GALNT17: variants seen among roughly 807,000 people sequenced by gnomAD.
GALNT17 encodes polypeptide N-acetylgalactosaminyltransferase 17, also known as UDP-GalNAc:polypeptide N-acetylgalactosaminyltransferase-like 3.
GALNT17 carries 29 observed loss-of-function variants against 63.7 expected under a neutral mutation model. The observed-to-expected ratio is 0.46, with a 90% confidence interval of 0.34 to 0.62. GALNT17 has a LOEUF of 0.62. Among genes scored for constraint, GALNT17 ranks in the 20% least tolerant of loss-of-function variants. The probability of loss-of-function intolerance (pLI) is 0.01; values close to 1 mark genes in which losing one functional copy is unlikely to be tolerated. For synonymous variants in GALNT17, 305 were observed against 318.3 expected, an observed-to-expected ratio of 0.96 and a Z score of 0.45; for missense variants, 603 against 799.6, an observed-to-expected ratio of 0.75 and a Z score of 2.97.
chr7:71,273,213 C>T (rs999855335), intron 1 of GALNT17, among the ~76,000 whole-genome samples: 1 of 152,152 alleles, frequency 6.6e-6, no homozygotes, highest in Non-Finnish European at 1.5e-5. Context: ...AAGGCAACCC[C>T]TTGTAATCAC....
chr7:71,333,559 T>C (rs1791843526), intron 1 of GALNT17, among the ~76,000 whole-genome samples: 1 of 152,202 alleles, frequency 6.6e-6, no homozygotes, highest in Non-Finnish European at 1.5e-5. Context: ...TTTTTGTTTT[T>C]GAGACAGAGT....
chr7:71,598,885 G>C (rs1455829986), intron 6 of GALNT17, among the ~76,000 whole-genome samples: 1 of 151,970 alleles, frequency 6.6e-6, no homozygotes, highest in African/African-American at 2.4e-5. Flanking sequence ...GTGGTGGGTG[G>C]TGGGGGTGGT....
rs538821955 is a variant in GALNT17, at chr7:71,508,727, G to A, written c.963-62558G>A. ...GGGGGCCAAAGGGACCCTGGAGGGC[G>A]TTTTACTATCTCCCTGCTTCACTTC... On this transcript the variant is annotated intron_variant, in intron 5 of 10. Transcript: ENST00000333538. Among the ~76,000 whole-genome samples, 35 of 152,178 alleles carry A rather than the reference G, an allele frequency of 2.3e-4. No individual in the cohort carries two copies. In the South Asian group the frequency reaches 5.4e-3, roughly 23 times the overall value.
chr7:71,143,761 A>G (rs992858269), intron 1 of GALNT17, among the ~76,000 whole-genome samples: 1 of 151,580 alleles, frequency 6.6e-6, no homozygotes, highest in Non-Finnish European at 1.5e-5. Flanking sequence ...GCAGTAGGGC[A>G]GGGCACGGTG....
At chr7:71,242,574 C>T (rs1790019194) in intron 1 of GALNT17, among the ~76,000 whole-genome samples, 1 of 152,090 alleles carries the variant, frequency 6.6e-6, no homozygotes, top group African/African-American at 2.4e-5. Flanking sequence ...GGTCAGGGAT[C>T]ACATTTCAAC....
intron 1 of GALNT17, among the ~76,000 whole-genome samples, chr7:71,161,864 C>A (rs542593276): frequency 9.2e-5 from 14 of 152,232 alleles, no homozygotes; most frequent in African/African-American, 3.4e-4. Context: ...AACGTTGTAT[C>A]TGTACCGAAT....
chr7:71,580,043 T>G (rs999439473), intron 6 of GALNT17, among the ~76,000 whole-genome samples: 10 of 151,626 alleles, frequency 6.6e-5, no homozygotes, highest in Admixed American at 5.9e-4. Flanking sequence ...GATGGATAGA[T>G]AGAGATGATG....
chr7:71,227,376 A>G (rs955126745), intron 1 of GALNT17, among the ~76,000 whole-genome samples: 5 of 151,434 alleles, frequency 3.3e-5, no homozygotes, highest in Admixed American at 2.0e-4. Context: ...AAAAATGGAA[A>G]AAAAAAAAAT....
chr7:71,710,358 A>G (rs1791775003), intron 9 of GALNT17, among the ~76,000 whole-genome samples: 1 of 152,124 alleles, frequency 6.6e-6, no homozygotes, highest in Non-Finnish European at 1.5e-5. Flanking sequence ...AAATACAAAA[A>G]TTAGCCGTGT....
chr7:71,689,730 T>C (rs1250673046), intron 9 of GALNT17, among the ~76,000 whole-genome samples: 1 of 152,194 alleles, frequency 6.6e-6, no homozygotes, highest in Non-Finnish European at 1.5e-5. Context: ...AACAACAGAT[T>C]TTCAACGTAG....
chr7:71,423,551 A>G (rs1563081862), intron 5 of GALNT17, among the ~76,000 whole-genome samples: 1 of 152,130 alleles, frequency 6.6e-6, no homozygotes, highest in East Asian at 1.9e-4. Flanking sequence ...GGAATAATGA[A>G]GTAGGGATGA....
At chr7:71,325,947 G>A (rs558332685) in intron 1 of GALNT17, among the ~76,000 whole-genome samples, 4 of 152,266 alleles carry the variant, frequency 2.6e-5, no homozygotes, top group African/African-American at 9.6e-5. Context: ...ACCTGCCAAC[G>A]TATATTTAAA....
In GALNT17 at chr7:71,493,515, G is replaced by A. The variant is rs140449631; in HGVS notation, c.962+72410G>A. ...AATCACGGTGGAAGGTGAAAGGCACGTCTTACAGGGCAGCAGACAAGAGAG... is the reference window on the plus strand; with the variant it reads ...AATCACGGTGGAAGGTGAAAGGCACATCTTACAGGGCAGCAGACAAGAGAG... On this transcript the variant is annotated intron_variant, in intron 5 of 10. Transcript: ENST00000333538. Among the ~76,000 whole-genome samples, 229 of 152,236 alleles carry A rather than the reference G, an allele frequency of 1.5e-3. 2 individuals carry two copies. The highest frequency in any genetic ancestry group is 5.3e-3 in the African/African-American group (219 of 41,538).
chr7:71,175,097 AGTCT>A (rs1275916018), intron 1 of GALNT17, among the ~76,000 whole-genome samples: 3 of 152,142 alleles, frequency 2.0e-5, no homozygotes, highest in Non-Finnish European at 4.4e-5. Flanking sequence ...TCTATCCATC[AGTCT>A]GTCTGTCCGT....
chr7:71,243,639 A>G (rs1002783978), intron 1 of GALNT17, among the ~76,000 whole-genome samples: 1 of 152,172 alleles, frequency 6.6e-6, no homozygotes. Flanking sequence ...TCCTGAGTTC[A>G]AGTGACCCCC....
At chr7:71,586,302 A>T (rs1035960786) in intron 6 of GALNT17, among the ~76,000 whole-genome samples, 59 of 152,182 alleles carry the variant, frequency 3.9e-4, no homozygotes, top group African/African-American at 1.4e-3. Flanking sequence ...ACTTCTTTCA[A>T]CTAAAGGAAT....
At position 71,449,238 on chromosome 7, in the gene GALNT17, G is replaced by A. The variant is rs750024840; in HGVS notation, c.962+28133G>A. Among the ~76,000 whole-genome samples the A allele has an allele frequency of 3.0e-4, 44 of 144,988 alleles. No individual in the cohort carries two copies. The Middle Eastern group carries it at 0.011, about 36-fold the overall frequency. ...AGCAATTCTCCTGCCTTAGTCTCCC[G>A]AGTAGTGGGATTATGGGCATATGCC... On this transcript the variant is annotated intron_variant, in intron 5 of 10. Transcript: ENST00000333538.
At chr7:71,617,982 C>T (rs752811209) in intron 6 of GALNT17, among the ~76,000 whole-genome samples, 16 of 152,120 alleles carry the variant, frequency 1.1e-4, no homozygotes, top group South Asian at 4.2e-4. Context: ...CCTGCAAACC[C>T]TCTAGTAGTC....
At chr7:71,602,094 CG>C (rs1657320182) in intron 6 of GALNT17, among the ~76,000 whole-genome samples, 1 of 152,194 alleles carries the variant, frequency 6.6e-6, no homozygotes, top group African/African-American at 2.4e-5. Flanking sequence ...CGACTTCCCC[CG>C]GGGCCTGTCT....
Sources: allele counts gnomAD v4.1 joint callset (sites outside exome capture counted in the v4.1 genomes callset), GRCh38; gene constraint gnomAD v4.1.1; transcripts MANE v1.5; gene names NCBI Gene and HGNC (gene_info 2026-07-23, HGNC 2026-07-21).